The following PCDHB11 variants were observed in gnomAD, a reference collection of about 807,000 sequenced individuals.
PCDHB11 encodes the protein protocadherin beta-11.
For missense variants in PCDHB11, 1,151 were observed against 1,003.4 expected, an observed-to-expected ratio of 1.15 and a Z score of -1.99; for synonymous variants, 522 against 442.0, an observed-to-expected ratio of 1.18 and a Z score of -2.27.
At position 141,200,262 on chromosome 5, in the gene PCDHB11, G is replaced by C. The variant is rs782313264; in HGVS notation, c.488G>C (p.Gly163Ala). Reference sequence around the variant, plus strand: ...GAAAGTGCGAAGGATTTAGATGTAGGAATCAATGCTGTAAAAAGCTACACA... The same window carrying C: ...GAAAGTGCGAAGGATTTAGATGTAGCAATCAATGCTGTAAAAAGCTACACA... ...LLESAKDLDVGINAVKSYTIS... is the reference protein window; with the variant it reads ...LLESAKDLDVAINAVKSYTIS... Residue 163 changes from glycine to alanine, a missense_variant, in exon 1 of 1, where the codon GGA becomes GCA. Coordinates refer to ENST00000354757, the MANE Select transcript of PCDHB11 (RefSeq NM_018931.3). 1.1e-5 allele frequency: 17 copies of C among 1,614,150 alleles called. 1 individual carries two copies. In the South Asian group the frequency reaches 1.9e-4, roughly 18 times the overall value.
In PCDHB11 at chr5:141,202,219, A is replaced by T. The variant is rs1554285857; in HGVS notation, c.*51A>T. On this transcript the variant is annotated 3_prime_UTR_variant, in exon 1 of 1. Coordinates refer to ENST00000354757, the MANE Select transcript of PCDHB11 (RefSeq NM_018931.3). ...TACTTTTTTAGTTTTATGTAACCAT[A>T]TCAATATTATTTAGTCTTAAACTAG... 2.8e-6 allele frequency: 4 copies of T among 1,420,800 alleles called. No individual in the cohort carries two copies. Among genetic ancestry groups the T allele is most frequent in the Non-Finnish European group, 3.8e-6 (4 of 1,050,138 alleles). The allele number at this position is 1,420,800 out of a possible 1,614,324, so 88.0% of individuals were successfully genotyped here.
chr5:141,200,809 T>C lies in PCDHB11; in HGVS notation c.1035T>C (p.Pro345=). Residue 345 remains proline (P), a synonymous_variant, in exon 1 of 1, where the codon CCT becomes CCC. Coordinates refer to ENST00000354757, the MANE Select transcript of PCDHB11 (RefSeq NM_018931.3). ...IHVIDVNDNA[P]EITVSSITSP... ...TGATAGATGTAAATGACAATGCTCC[T>C]GAAATCACTGTGTCATCAATTACCA... is the stretch of plus-strand genomic sequence containing the variant. 1 of 1,614,234 alleles carries C rather than the reference T, an allele frequency of 6.2e-7. No individual in the cohort carries two copies. Among genetic ancestry groups the C allele is most frequent in the African/African-American group, 1.3e-5 (1 of 75,062 alleles).
At position 141,201,316 on chromosome 5, in the gene PCDHB11, C is replaced by T. The variant is rs550632276; in HGVS notation, c.1542C>T (p.Phe514=). The T allele has an allele frequency of 7.9e-5, 128 of 1,613,596 alleles. No homozygotes were observed. Among genetic ancestry groups the T allele is most frequent in the Middle Eastern group, 3.6e-4 (2 of 5,562 alleles). ...VSINTDNGHL[F]ALRSLDYEAL... is the part of the protein sequence containing the mutation. ...TCAACACAGACAACGGCCACCTGTT[C>T]GCCCTCAGGTCGCTGGACTACGAGG... Residue 514 remains phenylalanine (F), a synonymous_variant, in exon 1 of 1, where the codon TTC becomes TTT. Transcript: ENST00000354757.
In PCDHB11 at chr5:141,199,723, C is replaced by T. The variant is rs1200932043; in HGVS notation, c.-52C>T. On this transcript the variant is annotated 5_prime_UTR_variant, in exon 1 of 1. In the 5' UTR this introduces an upstream ATG that the reference lacks. Coordinates refer to ENST00000354757, the MANE Select transcript of PCDHB11 (RefSeq NM_018931.3). Reference sequence around the variant, plus strand: ...GAGGATTTGGTGGACAAGTCAGAGACGCGTTCCGCAGAGCTGAAGCCTTTC... The same window carrying T: ...GAGGATTTGGTGGACAAGTCAGAGATGCGTTCCGCAGAGCTGAAGCCTTTC... The T allele has an allele frequency of 2.7e-6, 4 of 1,505,998 alleles. No individual in the cohort carries two copies. The highest frequency in any genetic ancestry group is 1.9e-5 in the Admixed American group (1 of 53,780). 93.3% of individuals were successfully genotyped at this position (1,505,998 alleles called of 1,614,324 possible). A position where few individuals can be genotyped will look rare whatever the true frequency, so the allele number is the denominator to read the frequency against.
Position 141,200,271 on chromosome 5 carries a change from C to T in PCDHB11, c.497C>T (p.Ala166Val). Residue 166 changes from alanine to valine, a missense_variant, in exon 1 of 1, where the codon GCT (alanine) becomes GTT (valine). Transcript: ENST00000354757. ...SAKDLDVGINAVKSYTISPNS... is the reference protein window; with the variant it reads ...SAKDLDVGINVVKSYTISPNS... ...AAGGATTTAGATGTAGGAATCAATG[C>T]TGTAAAAAGCTACACAATAAGCCCC... 6.2e-7 allele frequency: 1 copy of T among 1,614,186 alleles called. No homozygotes were observed.
Position 141,202,591 on chromosome 5 carries a change from C to G in PCDHB11, c.*423C>G, listed in dbSNP as rs1349887229. The G allele has an allele frequency of 1.3e-5, 2 of 153,688 alleles. No individual in the cohort carries two copies. The highest frequency in any genetic ancestry group is 3.8e-4 in the East Asian group (2 of 5,202). The allele number at this position is 153,688 out of a possible 1,614,324, so 9.5% of individuals were successfully genotyped here. A position where few individuals can be genotyped will look rare whatever the true frequency, so the allele number is the denominator to read the frequency against. On this transcript the variant is annotated 3_prime_UTR_variant, in exon 1 of 1. Transcript: ENST00000354757. ...AAAGTGCTGTGATTACCGGTGTGAG[C>G]CACTGCGCCCGGCCTTTTTTTTTTC...
Position 141,199,673 on chromosome 5 carries a change from A to G in PCDHB11, c.-102A>G, listed in dbSNP as rs1404545102. On this transcript the variant is annotated 5_prime_UTR_variant, in exon 1 of 1. Coordinates refer to ENST00000354757, the MANE Select transcript of PCDHB11 (RefSeq NM_018931.3). The stretch of plus-strand genomic sequence containing the variant: ...AAGAGGGTGACCTGGAAACCATTCA[A>G]CAGGGTTAAAATCCTTAGACCACAG... 3 of 1,025,664 alleles carry G rather than the reference A, an allele frequency of 2.9e-6. No homozygotes were observed. The highest frequency in any genetic ancestry group is 4.2e-6 in the Non-Finnish European group (3 of 706,272). The allele number at this position is 1,025,664 out of a possible 1,614,324, so 63.5% of individuals were successfully genotyped here.
rs1554285805 is a variant in PCDHB11, at chr5:141,202,050, C to T, written c.2276C>T (p.Ser759Phe). 6.2e-7 allele frequency: 1 copy of T among 1,614,154 alleles called. No individual in the cohort carries two copies. The highest frequency in any genetic ancestry group is 2.2e-5 in the East Asian group (1 of 44,874). The change falls in exon 1 of 1, where the codon TCC (serine) becomes TTC (phenylalanine). Residue 759 changes from serine (S) to phenylalanine (F), a missense_variant. Coordinates refer to ENST00000354757, the MANE Select transcript of PCDHB11 (RefSeq NM_018931.3). ...TACGAGGTGTGTCTGACGGGAGGTT[C>T]CGAGACAAATGAATTCAAGTTCCTA... ...YQYEVCLTGG[S>F]ETNEFKFLKP...
Position 141,201,433 on chromosome 5 carries a change from C to A in PCDHB11, c.1659C>A (p.Asp553Glu). 6.2e-7 allele frequency: 1 copy of A among 1,611,726 alleles called. No individual in the cohort carries two copies. Residue 553 changes from aspartate (D) to glutamate (E), a missense_variant, in exon 1 of 1, where the codon GAC becomes GAA. By Grantham distance (45) the Asp-to-Glu change is conservative. Transcript: ENST00000354757. ...SEALVRVLVLDANDNSPFVLY... is the reference protein window; with the variant it reads ...SEALVRVLVLEANDNSPFVLY... ...CGCTGGTGCGCGTGCTGGTGCTGGACGCCAACGACAACTCGCCCTTCGTGC... is the reference window on the plus strand; with the variant it reads ...CGCTGGTGCGCGTGCTGGTGCTGGAAGCCAACGACAACTCGCCCTTCGTGC...
chr5:141,200,863 C>T lies in PCDHB11; in HGVS notation c.1089C>T (p.Thr363=), dbSNP rs574304259. 1.1e-5 allele frequency: 17 copies of T among 1,614,110 alleles called. No homozygotes were observed. The Admixed American group carries it at 1.3e-4, about 13-fold the overall frequency. Residue 363 remains threonine, a synonymous_variant, in exon 1 of 1, where the codon ACC becomes ACT. Coordinates refer to ENST00000354757, the MANE Select transcript of PCDHB11 (RefSeq NM_018931.3). The part of the protein sequence containing the change: ...TSPIPENTPE[T]VVMVFSIQDI... ...CAATCCCAGAAAATACGCCAGAGACCGTGGTTATGGTTTTTAGTATCCAAG... is the reference window on the plus strand; with the variant it reads ...CAATCCCAGAAAATACGCCAGAGACTGTGGTTATGGTTTTTAGTATCCAAG...
chr5:141,200,282 T>C lies in PCDHB11; in HGVS notation c.508T>C (p.Tyr170His). The change falls in exon 1 of 1, where the codon TAC becomes CAC. Residue 170 changes from tyrosine to histidine, a missense_variant. By Grantham distance (83) the Tyr-to-His change is moderately conservative. Transcript: ENST00000354757. ...TGTAGGAATCAATGCTGTAAAAAGCTACACAATAAGCCCCAACTCTCATTT... is the reference window on the plus strand; with the variant it reads ...TGTAGGAATCAATGCTGTAAAAAGCCACACAATAAGCCCCAACTCTCATTT... ...LDVGINAVKSYTISPNSHFHI... is the reference protein window; with the variant it reads ...LDVGINAVKSHTISPNSHFHI... 6.2e-7 allele frequency: 1 copy of C among 1,614,192 alleles called. No homozygotes were observed. Among genetic ancestry groups the C allele is most frequent in the Non-Finnish European group, 8.5e-7 (1 of 1,180,042 alleles).
At position 141,200,274 on chromosome 5, in the gene PCDHB11, TA is replaced by T. The variant is rs1754137768; in HGVS notation, c.505del (p.Ser169AlafsTer4). 4 of 1,614,184 alleles carry T rather than the reference TA, an allele frequency of 2.5e-6. No individual in the cohort carries two copies. The East Asian group carries it at 8.9e-5, about 36-fold the overall frequency. ...AKDLDVGINA[V>X]KSYTISPNSH... Reference sequence around the variant, plus strand: ...GATTTAGATGTAGGAATCAATGCTGTAAAAAGCTACACAATAAGCCCCAACT... The same window carrying T: ...GATTTAGATGTAGGAATCAATGCTGTAAAAGCTACACAATAAGCCCCAACT... On this transcript the variant is annotated frameshift_variant, in exon 1 of 1. Transcript: ENST00000354757. LOFTEE classifies it low-confidence loss of function (END_TRUNC).
chr5:141,200,212 T>G lies in PCDHB11; in HGVS notation c.438T>G (p.Ser146Arg), dbSNP rs1554285237. ...KQMLLEIPEN[S>R]PVGAVFLLES... is the part of the protein sequence containing the mutation. ...TGCTCCTAGAAATCCCAGAGAACAG[T>G]CCCGTTGGTGCTGTGTTCTTACTAG... The change falls in exon 1 of 1, where the codon AGT (serine) becomes AGG (arginine). Residue 146 changes from serine to arginine, a missense_variant. Physicochemically the swap from Ser to Arg is moderately radical, Grantham distance 110. Coordinates refer to ENST00000354757, the MANE Select transcript of PCDHB11 (RefSeq NM_018931.3). 13 of 1,614,112 alleles carry G rather than the reference T, an allele frequency of 8.1e-6. No homozygotes were observed. The highest frequency in any genetic ancestry group is 1.0e-5 in the Non-Finnish European group (12 of 1,180,006).
In PCDHB11 at chr5:141,202,006, C is replaced by G. The variant is rs1316093442; in HGVS notation, c.2232C>G (p.Thr744=). 1 of 1,614,070 alleles carries G rather than the reference C, an allele frequency of 6.2e-7. No homozygotes were observed. The highest frequency in any genetic ancestry group is 8.5e-7 in the Non-Finnish European group (1 of 1,180,032). Residue 744 remains threonine, a synonymous_variant, in exon 1 of 1, where the codon ACC becomes ACG. Coordinates refer to ENST00000354757, the MANE Select transcript of PCDHB11 (RefSeq NM_018931.3). ...GHLVDVSGTG[T]LSQSYQYEVC... The stretch of plus-strand genomic sequence containing the variant: ...TGGTGGACGTGAGCGGCACCGGGAC[C>G]CTTTCCCAGAGCTACCAGTACGAGG...
chr5:141,200,853 C>A lies in PCDHB11; in HGVS notation c.1079C>A (p.Thr360Lys). The A allele has an allele frequency of 6.2e-7, 1 of 1,614,156 alleles. No individual in the cohort carries two copies. The highest frequency in any genetic ancestry group is 8.5e-7 in the Non-Finnish European group (1 of 1,180,028). The stretch of plus-strand genomic sequence containing the variant: ...ATTACCAGTCCAATCCCAGAAAATA[C>A]GCCAGAGACCGTGGTTATGGTTTTT... ...SSITSPIPENTPETVVMVFSI... is the reference protein window; with the variant it reads ...SSITSPIPENKPETVVMVFSI... Residue 360 changes from threonine (T) to lysine (K), a missense_variant, in exon 1 of 1, where the codon ACG (threonine) becomes AAG (lysine). Physicochemically the swap from Thr to Lys is moderately conservative, Grantham distance 78 (BLOSUM62 -1). Transcript: ENST00000354757.
rs1314842822 is a variant in PCDHB11, at chr5:141,199,953, C to A, written c.179C>A (p.Ser60Tyr). The change falls in exon 1 of 1, where the codon TCC (serine) becomes TAC (tyrosine). Residue 60 changes from serine to tyrosine, a missense_variant. Transcript: ENST00000354757. ...CTGGGGCTGAAGGTGAGAGAACTGT[C>A]CTCACGGGGGGCTCGGGTGGTCTCT... Reference protein sequence around the residue: ...KDLGLKVRELSSRGARVVSND... With the variant: ...KDLGLKVRELYSRGARVVSND... The A allele has an allele frequency of 1.2e-6, 2 of 1,614,012 alleles. No individual in the cohort carries two copies. Among genetic ancestry groups the A allele is most frequent in the Non-Finnish European group, 1.7e-6 (2 of 1,180,044 alleles).
In PCDHB11 at chr5:141,200,769, C is replaced by A; in HGVS notation, c.995C>A (p.Thr332Lys). ...GGGGGAGGACTTTTTGGAAAATCTA[C>A]AGTCATAATTCACGTGATAGATGTA... is the stretch of plus-strand genomic sequence containing the variant. ...TDGGGLFGKS[T>K]VIIHVIDVND... Residue 332 changes from threonine (T) to lysine (K), a missense_variant, in exon 1 of 1, where the codon ACA becomes AAA. Transcript: ENST00000354757. 6.2e-7 allele frequency: 1 copy of A among 1,614,200 alleles called. No individual in the cohort carries two copies. The highest frequency in any genetic ancestry group is 8.5e-7 in the Non-Finnish European group (1 of 1,180,036).
rs782770288 is a variant in PCDHB11, at chr5:141,200,870, A to T, written c.1096A>T (p.Met366Leu). 1 of 1,614,210 alleles carries T rather than the reference A, an allele frequency of 6.2e-7. No individual in the cohort carries two copies. Among genetic ancestry groups the T allele is most frequent in the African/African-American group, 1.3e-5 (1 of 75,050 alleles). The change falls in exon 1 of 1, where the codon ATG becomes TTG. Residue 366 changes from methionine to leucine, a missense_variant. Met to Leu is a conservative substitution (Grantham distance 15). Transcript: ENST00000354757. ...IPENTPETVVMVFSIQDIDSG... is the reference protein window; with the variant it reads ...IPENTPETVVLVFSIQDIDSG... ...AGAAAATACGCCAGAGACCGTGGTT[A>T]TGGTTTTTAGTATCCAAGATATAGA...
chr5:141,201,511 G>T lies in PCDHB11; in HGVS notation c.1737G>T (p.Ala579=). 6.2e-7 allele frequency: 1 copy of T among 1,608,694 alleles called. No homozygotes were observed. Among genetic ancestry groups the T allele is most frequent in the East Asian group, 2.2e-5 (1 of 44,812 alleles). Residue 579 remains alanine (A), a synonymous_variant, in exon 1 of 1, where the codon GCG becomes GCT. Coordinates refer to ENST00000354757, the MANE Select transcript of PCDHB11 (RefSeq NM_018931.3). ...CCTGCACCGAGCTGGTGCCCCGGGC[G>T]GCCGAGCCGGGCTACCTGGTGACCA... is the stretch of plus-strand genomic sequence containing the variant. ...SAPCTELVPR[A]AEPGYLVTKV... is the part of the protein sequence containing the mutation.
Sources: gnomAD v4.1 joint callset for allele counts on GRCh38, gnomAD v4.1.1 for gene constraint, MANE v1.5 for transcripts, NCBI Gene and HGNC (gene_info 2026-07-23, HGNC 2026-07-21) for gene names.